Variants in FBN3 observed in about 807,000 individuals in gnomAD.
FBN3 encodes fibrillin-3.
FBN3 carries 234 observed loss-of-function variants against 330.1 expected under a neutral mutation model. The ratio of observed to expected loss-of-function variants is 0.71; its 90% CI spans 0.64 to 0.79. The LOEUF is 0.79. Among genes scored for constraint, FBN3 ranks in the 30% least tolerant of loss-of-function variants. The probability of loss-of-function intolerance (pLI) is 0.00; values close to 1 mark genes in which losing one functional copy is unlikely to be tolerated. For missense variants in FBN3, 3,606 were observed against 3,886.9 expected, an observed-to-expected ratio of 0.93 and a Z score of 1.92; for synonymous variants, 1,458 against 1,517.3, an observed-to-expected ratio of 0.96 and a Z score of 0.91.
chr19:8,102,562 C>T (rs1038174490), intron 40 of FBN3, among the ~76,000 whole-genome samples, 162 bp downstream of exon 40: 1 of 152,158 alleles, frequency 6.6e-6, no homozygotes, highest in Middle Eastern at 3.2e-3. Flanking sequence ...AGTATTTCTT[C>T]ACAGCAGTAT....
intron 31 of FBN3, 34 bp from the exon 32 acceptor site, chr19:8,111,804 T>C: frequency 2.5e-6 from 4 of 1,606,266 alleles, no homozygotes; most frequent in Non-Finnish European, 2.6e-6. Context: ...CCCCACCCCA[T>C]GGTGTGTGCA....
At chr19:8,089,866 G>A in intron 50 of FBN3, 28 bp downstream of exon 50, 1 of 1,576,694 alleles carries the variant, frequency 6.3e-7, no homozygotes, top group Non-Finnish European at 8.6e-7. Flanking sequence ...CCCAGAAGGG[G>A]CTCTTAGCAT....
At chr19:8,081,595 GGA>G in intron 57 of FBN3, 115 bp from the exon 58 acceptor site, 1 of 1,210,542 alleles carries the variant, frequency 8.3e-7, no homozygotes, top group Non-Finnish European at 1.1e-6. Flanking sequence ...GACTTACACA[GGA>G]ATGAACACTT....
At chr19:8,119,107 G>T (rs368667981) in intron 25 of FBN3, 85 bp from the exon 26 acceptor site, 57 of 1,450,014 alleles carry the variant, frequency 3.9e-5, no homozygotes, top group Non-Finnish European at 5.1e-5. Flanking sequence ...GCTTCTCTCC[G>T]CCACCTCCCC....
In FBN3 at chr19:8,085,465, C is replaced by A; in HGVS notation, c.6985G>T (p.Gly2329Cys). The A allele has an allele frequency of 1.3e-6, 2 of 1,583,168 alleles. No homozygotes were observed. The highest frequency in any genetic ancestry group is 1.3e-5 in the African/African-American group (1 of 74,396). The change falls in exon 56 of 64, where the codon GGC becomes TGC. Residue 2329 changes from glycine to cysteine, a missense_variant. Physicochemically the swap from Gly to Cys is radical, Grantham distance 159. Coordinates refer to ENST00000600128, the MANE Select transcript of FBN3 (RefSeq NM_032447.5). ...TCGCAGCGGGGCCCCCAGCCCCGGC[C>A]ACCCCCACAGCAGCACTCGGCCCTG... ...VTRAECCCGG[G>C]RGWGPRCELC...
At chr19:8,132,899 TCCGGTCCCTCTCCTCTTCCTCGC>T in intron 14 of FBN3, 62 bp downstream of exon 14, 1 of 1,430,296 alleles carries the variant, frequency 7.0e-7, no homozygotes, top group Non-Finnish European at 9.3e-7. Context: ...CCCATCCCCG[TCCGGTCCCTCTCCTCTTCCTCGC>T]CGTCCCTCTG....
chr19:8,135,936 G>GGGGGGGGGGGGGGGGGGGGGGGGC, intron 13 of FBN3, 25 bp downstream of exon 13: 14 of 668,774 alleles, frequency 2.1e-5, no homozygotes, highest in Non-Finnish European at 3.4e-5. Context: ...GGAAGCCCCT[G>GGGGGGGGGGGGGGGGGGGGGGGGC]CCCACCCGCC....
chr19:8,141,051 C>A (rs948491399), intron 8 of FBN3, among the ~76,000 whole-genome samples: 1 of 151,420 alleles, frequency 6.6e-6, no homozygotes, highest in South Asian at 2.1e-4. Flanking sequence ...AAAAATTATC[C>A]GGGCGTGGTA....
chr19:8,135,936 G>GGGGGGGGGGGGGGGCGGGCCCCCCCC, intron 13 of FBN3, 25 bp downstream of exon 13: 1 of 668,778 alleles, frequency 1.5e-6, no homozygotes, highest in Non-Finnish European at 2.4e-6. Flanking sequence ...GGAAGCCCCT[G>GGGGGGGGGGGGGGGCGGGCCCCCCCC]CCCACCCGCC....
chr19:8,092,980 C>T lies in FBN3; in HGVS notation c.5906-1390G>A, dbSNP rs139133521. 5.4e-3 allele frequency among the ~76,000 whole-genome samples: 815 copies of T among 151,804 alleles called. 14 individuals carry two copies. Among genetic ancestry groups the T allele is most frequent in the African/African-American group, 0.019 (780 of 41,376 alleles). ...GTGTATACTACTTAGGTGACAGGTG[C>T]ACCAAAATCTCAGAAATCACCACTG... is the stretch of plus-strand genomic sequence containing the variant. On this transcript the variant is annotated intron_variant, in intron 47 of 63. Coordinates refer to ENST00000600128, the MANE Select transcript of FBN3 (RefSeq NM_032447.5).
chr19:8,099,046 G>T (rs2082271470), intron 41 of FBN3, among the ~76,000 whole-genome samples: 1 of 151,912 alleles, frequency 6.6e-6, no homozygotes, highest in Non-Finnish European at 1.5e-5. Flanking sequence ...ACACAATTTG[G>T]ACGAAAAAAG....
At position 8,141,740 on chromosome 19, in the gene FBN3, C is replaced by G; in HGVS notation, c.842G>C (p.Ser281Thr). Residue 281 changes from serine to threonine, a missense_variant, in exon 8 of 64, where the codon AGT (serine) becomes ACT (threonine). By Grantham distance (58) the Ser-to-Thr change is moderately conservative. Coordinates refer to ENST00000600128, the MANE Select transcript of FBN3 (RefSeq NM_032447.5). ...HCRCPVGHRLSDSSAACEDYR... is the reference protein window; with the variant it reads ...HCRCPVGHRLTDSSAACEDYR... ...ACCTTCACATGCGGCGCTGCTGTCA[C>G]TGAGCCGGTGTCCAACTGGACAGCG... 6 of 1,614,088 alleles carry G rather than the reference C, an allele frequency of 3.7e-6. No individual in the cohort carries two copies. Among genetic ancestry groups the G allele is most frequent in the Non-Finnish European group, 5.1e-6 (6 of 1,179,974 alleles).
In FBN3 at chr19:8,141,765, G is replaced by A. The variant is rs969997397; in HGVS notation, c.817C>T (p.Arg273Cys). The A allele has an allele frequency of 6.8e-6, 11 of 1,614,030 alleles. No individual in the cohort carries two copies. Among genetic ancestry groups the A allele is most frequent in the African/African-American group, 1.3e-5 (1 of 74,940 alleles). ...CTGAGCCGGTGTCCAACTGGACAGC[G>A]GCAATGGAAGGAGCCCACCATGTTG... ...CVNMVGSFHCRCPVGHRLSDS... is the reference protein window; with the variant it reads ...CVNMVGSFHCCCPVGHRLSDS... The change falls in exon 8 of 64, where the codon CGC (arginine) becomes TGC (cysteine). Residue 273 changes from arginine (R) to cysteine (C), a missense_variant. By Grantham distance (180) the Arg-to-Cys change is radical (BLOSUM62 -3). Coordinates refer to ENST00000600128, the MANE Select transcript of FBN3 (RefSeq NM_032447.5).
At chr19:8,084,363 G>C (rs79440648) in intron 56 of FBN3, among the ~76,000 whole-genome samples, 4,930 of 152,018 alleles carry the variant, frequency 0.032, 120 homozygotes, top group Non-Finnish European at 0.049. Context: ...TCCGGAACGA[G>C]CTCTCACTCA....
In FBN3 at chr19:8,129,129, C is replaced by T. The variant is rs1447749554; in HGVS notation, c.2195G>A (p.Ser732Asn). ...GCACCACCCGTTGTCACACAGGAGGCTGTTGAGGGCACACTCATCCACGTC... is the reference window on the plus strand; with the variant it reads ...GCACCACCCGTTGTCACACAGGAGGTTGTTGAGGGCACACTCATCCACGTC... ...CTDVDECALN[S>N]LLCDNGWCQN... is the part of the protein sequence containing the mutation. Residue 732 changes from serine (S) to asparagine (N), a missense_variant, in exon 18 of 64, where the codon AGC becomes AAC. Transcript: ENST00000600128. The surrounding 1 kb of genome is among the most constrained non-coding windows in gnomAD (Gnocchi z 4.5). The T allele has an allele frequency of 1.9e-6, 3 of 1,610,154 alleles. No individual in the cohort carries two copies. The highest frequency in any genetic ancestry group is 1.7e-6 in the Non-Finnish European group (2 of 1,178,668).
At chr19:8,099,201 C>G (rs1190185466) in intron 41 of FBN3, among the ~76,000 whole-genome samples, 1 of 150,798 alleles carries the variant, frequency 6.6e-6, no homozygotes, top group South Asian at 2.1e-4. Context: ...AGCATAAGAA[C>G]GTCCAGAGAG....
Position 8,115,475 on chromosome 19 carries a change from G to A in FBN3, c.3838+40C>T, listed in dbSNP as rs141237390. On this transcript the variant is annotated intron_variant, in intron 30 of 63. Transcript: ENST00000600128. ...ACCCCATGATTCCCAAAATGGCCCC[G>A]GGGAGTCCCCTCTGCCTGCACCGCT... is the stretch of plus-strand genomic sequence containing the variant. 1.3e-3 allele frequency: 2,094 copies of A among 1,605,998 alleles called. 12 individuals are homozygous for A. In the African/African-American group the frequency reaches 0.017, roughly 13 times the overall value.
At chr19:8,141,684 G>A (rs72993510) in intron 8 of FBN3, 33 bp downstream of exon 8, 228,490 of 1,591,542 alleles carry the variant, frequency 0.14, 16,736 homozygotes, top group Middle Eastern at 0.22. Context: ...AGTCACAGAG[G>A]AGGTCTCAGG....
At chr19:8,101,744 C>A (rs1002030470) in intron 40 of FBN3, among the ~76,000 whole-genome samples, 4 of 151,824 alleles carry the variant, frequency 2.6e-5, no homozygotes, top group Non-Finnish European at 5.9e-5. Context: ...ATTTACCGAC[C>A]CCCTCCCACT....
Sources: gnomAD v4.1 joint callset for allele counts (sites outside exome capture counted in the v4.1 genomes callset) on GRCh38, gnomAD v4.1.1 for gene constraint, Gnocchi (gnomAD v3.1) non-coding constraint, MANE v1.5 for transcripts, NCBI Gene and HGNC (gene_info 2026-07-23, HGNC 2026-07-21) for gene names.